MCTP1: variants seen among roughly 807,000 people sequenced by gnomAD.
MCTP1 encodes multiple C2 and transmembrane domain-containing protein 1.
A neutral mutation model predicts 120.6 loss-of-function variants in MCTP1; 69 were observed. The observed-to-expected ratio is 0.57, with a 90% confidence interval of 0.47 to 0.70. The LOEUF (loss-of-function observed/expected upper bound fraction) is 0.70, where lower values mean the gene tolerates loss of function less well. Ranked by LOEUF, MCTP1 falls within the 30% of genes least tolerant of loss-of-function variation. MCTP1 has a pLI of 0.00. For missense variants in MCTP1, 1,203 were observed against 1,248.8 expected (o/e 0.96, Z 0.55); for synonymous variants, 529 against 493.1 (o/e 1.07, Z -0.96).
At chr5:95,018,610 T>C (rs1253419782) in intron 1 of MCTP1, among the ~76,000 whole-genome samples, 3 of 152,040 alleles carry the variant, frequency 2.0e-5, no homozygotes, top group Non-Finnish European at 2.9e-5. Context: ...CTGAACTCAC[T>C]GTCTCTCCTC....
chr5:95,005,177 C>G (rs1834461166), intron 2 of MCTP1, among the ~76,000 whole-genome samples: 1 of 151,924 alleles, frequency 6.6e-6, no homozygotes, highest in African/African-American at 2.4e-5. Flanking sequence ...TCCTGTAGCT[C>G]TTTTATTTGG....
intron 2 of MCTP1, among the ~76,000 whole-genome samples, chr5:95,003,469 C>T (rs1258205084): frequency 6.6e-6 from 1 of 152,168 alleles, no homozygotes; most frequent in Non-Finnish European, 1.5e-5. Flanking sequence ...ACAATAAAAT[C>T]ACCTATTAAC....
intron 17 of MCTP1, among the ~76,000 whole-genome samples, chr5:94,840,104 C>T (rs560106167): frequency 1.3e-5 from 2 of 152,224 alleles, no homozygotes; most frequent in South Asian, 4.1e-4. Context: ...CCTGGAATCA[C>T]CGTCAATGAA....
At chr5:95,227,365 C>T (rs1754397496) in intron 1 of MCTP1, among the ~76,000 whole-genome samples, 1 of 152,168 alleles carries the variant, frequency 6.6e-6, no homozygotes, top group Non-Finnish European at 1.5e-5. Context: ...TTGTTCTGCT[C>T]CAGTATAAAT....
In MCTP1 at chr5:94,763,931, A is replaced by C. The variant is rs1011329457; in HGVS notation, c.2610+15179T>G. Among the ~76,000 whole-genome samples, 5 of 152,250 alleles carry C rather than the reference A, an allele frequency of 3.3e-5. No individual in the cohort carries two copies. The South Asian group carries it at 1.0e-3, about 32-fold the overall frequency. ...AGAGGGATATGAAATAAGATGCTGT[A>C]TTTATCAGCCTAGATTAAGTTATGT... On this transcript the variant is annotated intron_variant, in intron 19 of 22. Transcript: ENST00000515393.
chr5:95,018,760 T>C (rs893081264), intron 1 of MCTP1, among the ~76,000 whole-genome samples: 1 of 152,060 alleles, frequency 6.6e-6, no homozygotes, highest in African/African-American at 2.4e-5. Context: ...CAAATAGTTG[T>C]CAAATCCCCC....
At chr5:95,237,199 A>G (rs1755637199) in intron 1 of MCTP1, among the ~76,000 whole-genome samples, 1 of 152,112 alleles carries the variant, frequency 6.6e-6, no homozygotes, top group African/African-American at 2.4e-5. Flanking sequence ...CATGGCATAG[A>G]CAGTCTGGAG....
At chr5:95,269,875 G>C (rs949254206) in intron 1 of MCTP1, among the ~76,000 whole-genome samples, 1 of 152,194 alleles carries the variant, frequency 6.6e-6, no homozygotes, top group Admixed American at 6.5e-5. Flanking sequence ...CTGCTGTGAG[G>C]TTTAAGTGAG....
chr5:94,836,350 G>T (rs1789785617), intron 17 of MCTP1, among the ~76,000 whole-genome samples: 1 of 152,104 alleles, frequency 6.6e-6, no homozygotes, highest in Admixed American at 6.5e-5. Flanking sequence ...CTATACAGCT[G>T]GGGGAGAAAA....
chr5:94,779,004 T>G, intron 19 of MCTP1, 106 bp downstream of exon 19: 2 of 975,190 alleles, frequency 2.1e-6, no homozygotes, highest in Non-Finnish European at 3.3e-6. Context: ...ACTGTCCAAT[T>G]TTCTGGACTC....
chr5:95,142,305 C>T (rs978174576), intron 1 of MCTP1, among the ~76,000 whole-genome samples: 2 of 152,152 alleles, frequency 1.3e-5, no homozygotes, highest in Non-Finnish European at 2.9e-5. Flanking sequence ...TATGATACGT[C>T]TCTATTGTTT....
intron 1 of MCTP1, among the ~76,000 whole-genome samples, chr5:95,260,243 G>C (rs1758348367): frequency 6.6e-6 from 1 of 152,168 alleles, no homozygotes; most frequent in African/African-American, 2.4e-5. Context: ...TGGTCACCAA[G>C]TCCCAGAACA....
intron 1 of MCTP1, among the ~76,000 whole-genome samples, chr5:95,121,083 C>G (rs1758191564): frequency 6.6e-6 from 1 of 152,002 alleles, no homozygotes; most frequent in East Asian, 1.9e-4. Flanking sequence ...TCGAGACCAT[C>G]CTGGCTAACG....
At chr5:95,051,385 C>G (rs979926020) in intron 1 of MCTP1, among the ~76,000 whole-genome samples, 1 of 152,070 alleles carries the variant, frequency 6.6e-6, no homozygotes, top group African/African-American at 2.4e-5. Flanking sequence ...CAGACTAACT[C>G]ATAAATCCAG....
chr5:95,142,353 C>G (rs1760003297), intron 1 of MCTP1, among the ~76,000 whole-genome samples: 1 of 152,116 alleles, frequency 6.6e-6, no homozygotes, highest in Non-Finnish European at 1.5e-5. Context: ...ATAAAGCTAA[C>G]AGGAAACTTT....
intron 1 of MCTP1, among the ~76,000 whole-genome samples, chr5:95,176,864 A>G (rs1265675354): frequency 6.6e-6 from 1 of 151,774 alleles, no homozygotes; most frequent in Non-Finnish European, 1.5e-5. Context: ...AAATATATAT[A>G]TACCTACATT....
chr5:94,794,549 A>G (rs1244800413), intron 18 of MCTP1, among the ~76,000 whole-genome samples: 1 of 152,256 alleles, frequency 6.6e-6, no homozygotes, highest in Non-Finnish European at 1.5e-5. Context: ...TAGCATAGAT[A>G]CAGCCTGGGA....
intron 1 of MCTP1, among the ~76,000 whole-genome samples, chr5:95,192,573 G>GC (rs1562224396): frequency 6.6e-6 from 1 of 152,030 alleles, no homozygotes; most frequent in Non-Finnish European, 1.5e-5. Flanking sequence ...CAATAAAAGG[G>GC]CAGACATATT....
At chr5:94,946,817 C>CA (rs1819053439) in intron 3 of MCTP1, among the ~76,000 whole-genome samples, 1 of 152,192 alleles carries the variant, frequency 6.6e-6, no homozygotes, top group Non-Finnish European at 1.5e-5. Context: ...CCCACGTGGA[C>CA]ATTCCCTTAA....
Sources: allele counts gnomAD v4.1 joint callset (sites outside exome capture counted in the v4.1 genomes callset), GRCh38; gene constraint gnomAD v4.1.1; transcripts MANE v1.5; gene names NCBI Gene and HGNC (gene_info 2026-07-23, HGNC 2026-07-21).